The following VPS13B variants were observed in gnomAD, a reference collection of about 807,000 sequenced individuals.
VPS13B encodes vacuolar protein sorting 13 homolog B.
A neutral mutation model predicts 426.4 loss-of-function variants in VPS13B; 285 were observed. The observed-to-expected ratio is 0.67, with a 90% confidence interval of 0.61 to 0.74. The LOEUF is 0.74. Among genes scored for constraint, VPS13B ranks in the 30% least tolerant of loss-of-function variants. The probability of loss-of-function intolerance (pLI) is 0.00; values close to 1 mark genes in which losing one functional copy is unlikely to be tolerated. For missense variants in VPS13B, 4,537 were observed against 4,782.6 expected (o/e 0.95, Z 1.51); for synonymous variants, 1,676 against 1,676.4 (o/e 1.00, Z 0.01).
intron 35 of VPS13B, among the ~76,000 whole-genome samples, chr8:99,666,013 T>G (rs527536009): frequency 3.8e-4 from 58 of 152,290 alleles, no homozygotes; most frequent in African/African-American, 1.3e-3. Context: ...GGTTTGTAGT[T>G]CTCCTTGAAG....
At chr8:99,044,220 G>T (rs1328049944) in intron 3 of VPS13B, among the ~76,000 whole-genome samples, 3 of 150,566 alleles carry the variant, frequency 2.0e-5, no homozygotes, top group Non-Finnish European at 4.4e-5. Flanking sequence ...GGTAGCTGGG[G>T]CTACAGGCGC....
intron 30 of VPS13B, among the ~76,000 whole-genome samples, chr8:99,547,456 A>G (rs1449593082): frequency 6.6e-6 from 1 of 152,004 alleles, no homozygotes; most frequent in Non-Finnish European, 1.5e-5. Flanking sequence ...CTTATTTAAC[A>G]TTTTGTGGAT....
rs1178024733 is a variant in VPS13B at position 99,821,447 on chromosome 8, G to A, written c.9148G>A (p.Glu3050Lys). ...TLDEEAFVDT[E>K]IRLGAFPGHQ... ...GGATGAAGAAGCGTTTGTTGATACT[G>A]AAATAAGACTTGGTGCTTTTCCAGG... The change falls in exon 50 of 62, where the codon GAA becomes AAA. Residue 3050 changes from glutamate (E) to lysine (K), a missense_variant. Glu to Lys is a moderately conservative substitution (Grantham distance 56). This residue lies in a region of VPS13B where 4,311 missense variants were observed against 4,474.3 expected (regional missense o/e 0.96). Coordinates refer to ENST00000357162, the MANE Select transcript of VPS13B (RefSeq NM_152564.5). The A allele has an allele frequency of 3.7e-6, 6 of 1,613,812 alleles. No homozygotes were observed. The highest frequency in any genetic ancestry group is 5.1e-6 in the Non-Finnish European group (6 of 1,179,774).
intron 3 of VPS13B, among the ~76,000 whole-genome samples, chr8:99,064,565 G>A (rs1844370632): frequency 6.6e-6 from 1 of 152,136 alleles, no homozygotes; most frequent in Non-Finnish European, 1.5e-5. Flanking sequence ...AGAAACAAGA[G>A]TAAAAAGAAA....
intron 23 of VPS13B, among the ~76,000 whole-genome samples, chr8:99,445,433 C>G (rs1817866863): frequency 6.7e-6 from 1 of 149,486 alleles, no homozygotes; most frequent in Non-Finnish European, 1.5e-5. Context: ...CCACTGCACT[C>G]CAGCCTAGGC....
chr8:99,871,830 C>G (rs1817431921), intron 61 of VPS13B, 133 bp downstream of exon 61: 6 of 1,520,892 alleles, frequency 3.9e-6, no homozygotes, highest in Non-Finnish European at 9.0e-7. Context: ...GAGCTGCTAC[C>G]CAGAGGAGGA....
intron 3 of VPS13B, among the ~76,000 whole-genome samples, chr8:99,056,647 T>C (rs1843885741): frequency 6.6e-6 from 1 of 152,232 alleles, no homozygotes; most frequent in South Asian, 2.1e-4. Flanking sequence ...GATATGATGT[T>C]AGGTGTGTGT....
chr8:99,642,033 T>C lies in VPS13B; in HGVS notation c.5443T>C (p.Phe1815Leu). 1 of 1,614,088 alleles carries C rather than the reference T, an allele frequency of 6.2e-7. No individual in the cohort carries two copies. The highest frequency in any genetic ancestry group is 8.5e-7 in the Non-Finnish European group (1 of 1,179,990). Reference protein sequence around the residue: ...KNLNFIPFDIFITASRISLMT... With the variant: ...KNLNFIPFDILITASRISLMT... ...TCTAAATTTTATTCCCTTTGACATA[T>C]TTATTACTGCAAGTAGAATCTCACT... The change falls in exon 34 of 62, where the codon TTT becomes CTT. Residue 1815 changes from phenylalanine (F) to leucine (L), a missense_variant. Coordinates refer to ENST00000357162, the MANE Select transcript of VPS13B (RefSeq NM_152564.5).
intron 3 of VPS13B, among the ~76,000 whole-genome samples, chr8:99,055,309 T>A (rs1006571245): frequency 1.3e-5 from 2 of 152,072 alleles, no homozygotes; most frequent in Non-Finnish European, 2.9e-5. Flanking sequence ...CAAAGTGCTG[T>A]GATTACAGGC....
At chr8:99,502,310 A>G (rs1821292028) in intron 26 of VPS13B, among the ~76,000 whole-genome samples, 2 of 152,160 alleles carry the variant, frequency 1.3e-5, no homozygotes, top group Non-Finnish European at 2.9e-5. Context: ...TTTACTGAAA[A>G]GTGCAAATAT....
chr8:99,084,754 T>C (rs1023855841), intron 3 of VPS13B, among the ~76,000 whole-genome samples: 2 of 152,214 alleles, frequency 1.3e-5, no homozygotes, highest in African/African-American at 4.8e-5. Flanking sequence ...TTCCATGTAG[T>C]TGAGTGGCTT....
chr8:99,066,078 A>G (rs1300989359), intron 3 of VPS13B, among the ~76,000 whole-genome samples: 1 of 152,260 alleles, frequency 6.6e-6, no homozygotes, highest in Non-Finnish European at 1.5e-5. Flanking sequence ...CATACTGCTC[A>G]AGGTAATTTA....
chr8:99,119,611 G>C (rs1477057206), intron 7 of VPS13B: 1 of 151,918 alleles, frequency 6.6e-6, no homozygotes, highest in Non-Finnish European at 1.5e-5. Context: ...TAAGTGTCTT[G>C]GTACTGTTAT....
At chr8:99,491,190 C>G (rs1022285493) in intron 25 of VPS13B, among the ~76,000 whole-genome samples, 44 of 152,320 alleles carry the variant, frequency 2.9e-4, no homozygotes, top group Middle Eastern at 6.8e-3. Context: ...GCAGGTTGTT[C>G]AGTTTCCATG....
intron 21 of VPS13B, among the ~76,000 whole-genome samples, chr8:99,430,439 TTGAA>T (rs1397459404): frequency 6.6e-6 from 1 of 152,174 alleles, no homozygotes; most frequent in Non-Finnish European, 1.5e-5. Flanking sequence ...AATTATGTAT[TTGAA>T]TTAACATAAG....
chr8:99,075,345 G>C (rs1489889139), intron 3 of VPS13B, among the ~76,000 whole-genome samples: 1 of 152,156 alleles, frequency 6.6e-6, no homozygotes, highest in Non-Finnish European at 1.5e-5. Flanking sequence ...GCAGGAACAG[G>C]CATGTCACAT....
chr8:99,576,905 G>A (rs976693025), intron 32 of VPS13B, among the ~76,000 whole-genome samples: 7 of 152,012 alleles, frequency 4.6e-5, no homozygotes, highest in Admixed American at 2.0e-4. Flanking sequence ...TCAACACTCC[G>A]TTTTCTTATA....
chr8:99,214,446 TC>T (rs1310915741), intron 17 of VPS13B, among the ~76,000 whole-genome samples: 1 of 152,198 alleles, frequency 6.6e-6, no homozygotes. Context: ...AACATACTTA[TC>T]AGATTTTTCA....
chr8:99,120,032 G>C (rs1478699156), intron 7 of VPS13B: 1 of 152,226 alleles, frequency 6.6e-6, no homozygotes, highest in South Asian at 2.1e-4. Context: ...GGACCATAAT[G>C]GGTGCACACC....
Sources: allele counts gnomAD v4.1 joint callset (sites outside exome capture counted in the v4.1 genomes callset), GRCh38; gene constraint gnomAD v4.1.1; regional missense constraint gnomAD v4.1.1; transcripts MANE v1.5; gene names NCBI Gene and HGNC (gene_info 2026-07-23, HGNC 2026-07-21).